The following CFAP20DC variants were observed in gnomAD, a reference collection of about 807,000 sequenced individuals.
The protein encoded by CFAP20DC is CFAP20 domain containing.
Under a neutral mutation model 101.7 loss-of-function variants are expected in CFAP20DC, and 84 were observed. That is an observed-to-expected ratio of 0.83 (90% CI 0.69 to 0.99). The LOEUF is 0.99. Among genes scored for constraint, CFAP20DC ranks in the 50% least tolerant of loss-of-function variants. The pLI is 0.00. For missense variants in CFAP20DC, 1,007 were observed against 970.3 expected, an observed-to-expected ratio of 1.04 and a Z score of -0.50; for synonymous variants, 359 against 351.2, an observed-to-expected ratio of 1.02 and a Z score of -0.25.
intron 4 of CFAP20DC, among the ~76,000 whole-genome samples, chr3:58,965,170 T>C (rs1342424631): frequency 2.6e-5 from 4 of 152,180 alleles, no homozygotes; most frequent in African/African-American, 9.6e-5. Flanking sequence ...GCTGCTATTT[T>C]ACAAATAAAG....
chr3:58,749,733 G>A (rs372348882), intron 16 of CFAP20DC, among the ~76,000 whole-genome samples: 41 of 152,274 alleles, frequency 2.7e-4, no homozygotes, highest in African/African-American at 9.4e-4. Context: ...TTTGGAGCTG[G>A]TAAGCATGAA....
intron 4 of CFAP20DC, among the ~76,000 whole-genome samples, chr3:58,995,358 T>C (rs140360944): frequency 4.6e-4 from 63 of 137,798 alleles, no homozygotes; most frequent in African/African-American, 1.6e-3. Context: ...TCAGAAATGA[T>C]TGTCAAAAAT....
intron 4 of CFAP20DC, among the ~76,000 whole-genome samples, chr3:59,013,603 T>TAGG (rs1035973129): frequency 6.6e-6 from 1 of 152,188 alleles, no homozygotes; most frequent in Non-Finnish European, 1.5e-5. Flanking sequence ...GCAGACTTGT[T>TAGG]ACAACTCCAA....
chr3:58,980,751 A>G (rs1338676834), intron 4 of CFAP20DC, among the ~76,000 whole-genome samples: 1 of 152,228 alleles, frequency 6.6e-6, no homozygotes, highest in African/African-American at 2.4e-5. Context: ...CGAATATCAT[A>G]CTGAATGGGC....
At chr3:58,997,508 T>C (rs1265972465) in intron 4 of CFAP20DC, among the ~76,000 whole-genome samples, 1 of 152,192 alleles carries the variant, frequency 6.6e-6, no homozygotes, top group Admixed American at 6.5e-5. Context: ...GCTGTACTAA[T>C]TGATTCTGCA....
rs2079486258 is a variant in CFAP20DC at position 58,864,181 on chromosome 3, ACTC to A, written c.1259-292_1259-290del. The stretch of plus-strand genomic sequence containing the variant: ...ACCATGTTGGTCAGGCTGGTCTTGA[ACTC>A]CTGACTTCATGATCTGCCCGCCTCG... On this transcript the variant is annotated intron_variant, in intron 11 of 16. Coordinates refer to ENST00000482387, the MANE Select transcript of CFAP20DC (RefSeq NM_001394063.1). This position sits in a 1 kb window ranked among gnomAD's most constrained non-coding sequence, Gnocchi z 4.7. Among the ~76,000 whole-genome samples the A allele has an allele frequency of 1.3e-5, 2 of 150,574 alleles. No individual in the cohort carries two copies. The highest frequency in any genetic ancestry group is 1.3e-4 in the Admixed American group (2 of 15,120).
At chr3:58,749,864 A>C (rs1335323047) in intron 16 of CFAP20DC, among the ~76,000 whole-genome samples, 1 of 152,224 alleles carries the variant, frequency 6.6e-6, no homozygotes, top group Non-Finnish European at 1.5e-5. Flanking sequence ...ATAAGTTCTG[A>C]AATCTTAACT....
intron 14 of CFAP20DC, among the ~76,000 whole-genome samples, chr3:58,808,903 G>T (rs1189390754): frequency 6.6e-6 from 1 of 152,034 alleles, no homozygotes; most frequent in Non-Finnish European, 1.5e-5. Context: ...AAAAAAGGCA[G>T]GGGTTGCAAT....
chr3:58,914,986 A>G lies in CFAP20DC; in HGVS notation c.394-1122T>C, dbSNP rs1421068563. 2.0e-5 allele frequency: 3 copies of G among 152,170 alleles called. No individual in the cohort carries two copies. The highest frequency in any genetic ancestry group is 2.9e-5 in the Non-Finnish European group (2 of 68,036). The allele number at this position is 152,170 out of a possible 1,614,324, so 9.4% of individuals were successfully genotyped here. A position where few individuals can be genotyped will look rare whatever the true frequency, so the allele number is the denominator to read the frequency against. ...TGGCTTGACTGGCAGAATGGTGAAC[A>G]CTGGAGCGGAATGAAGTAATGTAAG... On this transcript the variant is annotated intron_variant, in intron 5 of 16. Coordinates refer to ENST00000482387, the MANE Select transcript of CFAP20DC (RefSeq NM_001394063.1). This position sits in a 1 kb window ranked among gnomAD's most constrained non-coding sequence, Gnocchi z 4.9.
chr3:58,863,680 T>C lies in CFAP20DC; in HGVS notation c.1471A>G (p.Lys491Glu), dbSNP rs2079438952. ...SSRPRSAPHGKTQTMSPEELS... is the reference protein window; with the variant it reads ...SSRPRSAPHGETQTMSPEELS... The stretch of plus-strand genomic sequence containing the variant: ...TCCTCTGGGGACATAGTCTGAGTCT[T>C]TCCATGAGGTGCTGATCGTGGTCTT... The change falls in exon 12 of 17, where the codon AAG (lysine) becomes GAG (glutamate). Residue 491 changes from lysine (K) to glutamate (E), a missense_variant. Lys to Glu is a moderately conservative substitution (Grantham distance 56, BLOSUM62 1). Coordinates refer to ENST00000482387, the MANE Select transcript of CFAP20DC (RefSeq NM_001394063.1). The surrounding 1 kb of genome is among the most constrained non-coding windows in gnomAD (Gnocchi z 5.9). The C allele has an allele frequency of 3.1e-6, 5 of 1,614,142 alleles. No individual in the cohort carries two copies. The highest frequency in any genetic ancestry group is 1.3e-5 in the African/African-American group (1 of 75,032).
In CFAP20DC at chr3:58,861,383, AT is replaced by A; in HGVS notation, c.1593+2174del. On this transcript the variant is annotated intron_variant, in intron 12 of 16. Coordinates refer to ENST00000482387, the MANE Select transcript of CFAP20DC (RefSeq NM_001394063.1). The surrounding 1 kb of genome is among the most constrained non-coding windows in gnomAD (Gnocchi z 4.0). Reference sequence around the variant, plus strand: ...GGATGTAACATTCTAAAATAATGCAATTAATAGTAAGGATGCCTTAATTAAC... The same window carrying A: ...GGATGTAACATTCTAAAATAATGCAATAATAGTAAGGATGCCTTAATTAAC... The A allele has an allele frequency of 1.3e-6, 1 of 768,146 alleles. No individual in the cohort carries two copies. The highest frequency in any genetic ancestry group is 1.6e-6 in the Non-Finnish European group (1 of 632,112). 47.6% of individuals were successfully genotyped at this position (768,146 alleles called of 1,614,324 possible). A position where few individuals can be genotyped will look rare whatever the true frequency, so the allele number is the denominator to read the frequency against.
intron 15 of CFAP20DC, among the ~76,000 whole-genome samples, chr3:58,780,619 C>T (rs1204822427): frequency 6.6e-6 from 1 of 151,658 alleles, no homozygotes; most frequent in Admixed American, 6.6e-5. Flanking sequence ...CAAATGGAAG[C>T]CAAAAGTAAG....
chr3:59,047,511 C>A (rs143094857), intron 1 of CFAP20DC, among the ~76,000 whole-genome samples: 264 of 152,140 alleles, frequency 1.7e-3, no homozygotes, highest in Non-Finnish European at 2.7e-3. Flanking sequence ...CCATACAAAC[C>A]CTACAGTATC....
chr3:58,968,600 G>A (rs941471043), intron 4 of CFAP20DC, among the ~76,000 whole-genome samples: 7 of 151,902 alleles, frequency 4.6e-5, no homozygotes, highest in Admixed American at 1.3e-4. Flanking sequence ...TATATATTCT[G>A]GATATAAGAC....
chr3:58,908,452 A>T (rs1263496099), intron 6 of CFAP20DC, among the ~76,000 whole-genome samples: 2 of 152,224 alleles, frequency 1.3e-5, no homozygotes, highest in South Asian at 4.1e-4. Context: ...TAAAAAGTTT[A>T]TACTACACAC....
intron 4 of CFAP20DC, among the ~76,000 whole-genome samples, chr3:58,980,409 G>T (rs952581563): frequency 7.9e-5 from 12 of 152,108 alleles, no homozygotes; most frequent in African/African-American, 2.7e-4. Flanking sequence ...CAAAAAAAGA[G>T]AATTTTAGAC....
At chr3:58,977,129 A>AGTTG (rs2092311918) in intron 4 of CFAP20DC, among the ~76,000 whole-genome samples, 2 of 152,194 alleles carry the variant, frequency 1.3e-5, no homozygotes, top group Non-Finnish European at 2.9e-5. Flanking sequence ...CTTATGGTGA[A>AGTTG]GTTGGTTCTG....
chr3:58,965,731 AAAT>A, intron 4 of CFAP20DC, among the ~76,000 whole-genome samples: 2 of 152,348 alleles, frequency 1.3e-5, no homozygotes, highest in Admixed American at 1.3e-4. Flanking sequence ...ACAATTATTA[AAAT>A]AATGTTTCTA....
chr3:58,845,305 A>G (rs1195029582), intron 13 of CFAP20DC, among the ~76,000 whole-genome samples: 1 of 151,988 alleles, frequency 6.6e-6, no homozygotes, highest in Non-Finnish European at 1.5e-5. Flanking sequence ...AATCAAATAG[A>G]TGCAATAAAA....
Sources: gnomAD v4.1 joint callset for allele counts (sites outside exome capture counted in the v4.1 genomes callset) on GRCh38, gnomAD v4.1.1 for gene constraint, Gnocchi (gnomAD v3.1) non-coding constraint, MANE v1.5 for transcripts, NCBI Gene and HGNC (gene_info 2026-07-23, HGNC 2026-07-21) for gene names.